Variants in EFCAB5 observed in about 807,000 individuals in gnomAD.
The protein encoded by EFCAB5 is EF-hand calcium binding domain 5, also known as EF-hand calcium-binding domain-containing protein 5.
Under a neutral mutation model 167.9 loss-of-function variants are expected in EFCAB5, and 131 were observed. That is an observed-to-expected ratio of 0.78 (90% CI 0.68 to 0.90). The LOEUF is 0.90. EFCAB5 is among the 40% of genes least tolerant of loss of function. The probability of loss-of-function intolerance (pLI) is 0.00; values close to 1 mark genes in which losing one functional copy is unlikely to be tolerated. For synonymous variants in EFCAB5, 574 were observed against 602.8 expected (o/e 0.95, Z 0.70); for missense variants, 1,663 against 1,745.2 (o/e 0.95, Z 0.84).
At chr17:29,948,383 A>C (rs2067446044) in intron 3 of EFCAB5, among the ~76,000 whole-genome samples, 2 of 152,156 alleles carry the variant, frequency 1.3e-5, no homozygotes, top group African/African-American at 4.8e-5. Flanking sequence ...TGTTTTGTTT[A>C]AATCGATTTA....
chr17:30,058,272 T>C (rs1392097930), intron 13 of EFCAB5, among the ~76,000 whole-genome samples: 2 of 152,350 alleles, frequency 1.3e-5, no homozygotes, highest in East Asian at 3.9e-4. Context: ...TATATATTTT[T>C]ACTCATGAGC....
intron 3 of EFCAB5, among the ~76,000 whole-genome samples, chr17:29,960,444 T>G (rs1419237380): frequency 1.3e-5 from 2 of 152,184 alleles, no homozygotes; most frequent in Non-Finnish European, 2.9e-5. Flanking sequence ...TTGAAATATT[T>G]TATTTTAAGT....
At chr17:30,069,114 T>C (rs1181543034) in intron 14 of EFCAB5, 6 of 1,503,984 alleles carry the variant, frequency 4.0e-6, no homozygotes, top group Non-Finnish European at 5.6e-6. Flanking sequence ...GAGTGGTGGA[T>C]AAGAAAAGAA....
At chr17:29,952,153 A>G (rs1297550004) in intron 3 of EFCAB5, among the ~76,000 whole-genome samples, 6 of 152,162 alleles carry the variant, frequency 3.9e-5, no homozygotes, top group Non-Finnish European at 4.4e-5. Context: ...AGAGGAGATG[A>G]ACACTGTCCT....
At chr17:30,103,100 G>C (rs927406391) in intron 22 of EFCAB5, among the ~76,000 whole-genome samples, 1 of 151,802 alleles carries the variant, frequency 6.6e-6, no homozygotes, top group African/African-American at 2.4e-5. Context: ...CCCAAGTGTT[G>C]AGATTACATG....
At chr17:29,987,758 T>A (rs2068319706) in intron 4 of EFCAB5, among the ~76,000 whole-genome samples, 1 of 152,182 alleles carries the variant, frequency 6.6e-6, no homozygotes. Flanking sequence ...AACTAGAGCT[T>A]GTCTAGTATA....
chr17:29,970,637 GAC>G (rs34545008), intron 4 of EFCAB5, among the ~76,000 whole-genome samples: 227 of 138,740 alleles, frequency 1.6e-3, no homozygotes, highest in Middle Eastern at 3.7e-3. Flanking sequence ...CTCAAAAACA[GAC>G]ACACACACAC....
intron 4 of EFCAB5, among the ~76,000 whole-genome samples, chr17:29,989,520 T>C (rs1332859344): frequency 3.9e-5 from 6 of 152,172 alleles, no homozygotes; most frequent in Non-Finnish European, 8.8e-5. Flanking sequence ...GCTAAGGGAA[T>C]AGTAAAGACA....
rs1194378678 is a variant in EFCAB5, at chr17:30,057,831, T to G, written c.2521T>G (p.Ser841Ala). 1 of 1,613,716 alleles carries G rather than the reference T, an allele frequency of 6.2e-7. No homozygotes were observed. Among genetic ancestry groups the G allele is most frequent in the African/African-American group, 1.3e-5 (1 of 74,906 alleles). The change falls in exon 13 of 23, where the codon TCC (serine) becomes GCC (alanine). Residue 841 changes from serine to alanine, a missense_variant. Ser to Ala is a moderately conservative substitution (Grantham distance 99, BLOSUM62 1). Transcript: ENST00000394835. ...CTTGAGTGTCAGCGAGACTCTCACC[T>G]CCTTTTTTAAGGAGGGCTATGTTGA... ...APLSVSETLT[S>A]FFKEGYVETE...
At chr17:30,094,143 C>T (rs1421415576) in intron 22 of EFCAB5, among the ~76,000 whole-genome samples, 2 of 152,084 alleles carry the variant, frequency 1.3e-5, no homozygotes, top group Non-Finnish European at 2.9e-5. Context: ...ATTATTTTAC[C>T]AAAAGGGCAG....
chr17:29,953,163 T>G (rs1183979294), intron 3 of EFCAB5, among the ~76,000 whole-genome samples: 1 of 152,130 alleles, frequency 6.6e-6, no homozygotes, highest in Non-Finnish European at 1.5e-5. Context: ...AAAAGCTCCT[T>G]AAGGTGATAA....
At chr17:29,977,038 C>T (rs141966597) in intron 4 of EFCAB5, among the ~76,000 whole-genome samples, 1 of 152,060 alleles carries the variant, frequency 6.6e-6, no homozygotes, top group South Asian at 2.1e-4. Context: ...TTCTTACGTG[C>T]AATTTTGGAC....
At chr17:29,932,003 C>T (rs184230231) in intron 1 of EFCAB5, among the ~76,000 whole-genome samples, 1 of 152,286 alleles carries the variant, frequency 6.6e-6, no homozygotes, top group Admixed American at 6.5e-5. Context: ...AGTTCCAGCT[C>T]TAAAACCTTA....
intron 8 of EFCAB5, among the ~76,000 whole-genome samples, chr17:30,043,121 G>GA (rs1204246970): frequency 2.0e-5 from 3 of 151,786 alleles, no homozygotes; most frequent in Non-Finnish European, 4.4e-5. Context: ...CCATCTCTTA[G>GA]AAAAAAAGCT....
At chr17:30,050,140 CTTTTTTTTT>C (rs1014362189) in intron 8 of EFCAB5, among the ~76,000 whole-genome samples, 1 of 141,482 alleles carries the variant, frequency 7.1e-6, no homozygotes. Context: ...ACTTTTTTTT[CTTTTTTTTT>C]TTTAGATGGA....
intron 3 of EFCAB5, among the ~76,000 whole-genome samples, chr17:29,960,779 A>G (rs144804913): frequency 5.3e-4 from 80 of 152,288 alleles, no homozygotes; most frequent in African/African-American, 1.9e-3. Context: ...TTTTTTGGAT[A>G]TATACATAGA....
At chr17:30,089,426 A>G (rs143094038) in intron 19 of EFCAB5, among the ~76,000 whole-genome samples, 2 of 152,294 alleles carry the variant, frequency 1.3e-5, no homozygotes, top group Non-Finnish European at 2.9e-5. Flanking sequence ...CTTTTCGAGG[A>G]TGCAAAGTAC....
chr17:30,108,003 G>C lies in EFCAB5; in HGVS notation c.4491G>C (p.Gly1497=). The part of the protein sequence containing the change: ...TDNYMYAKMP[G]EGLQEK The stretch of plus-strand genomic sequence containing the variant: ...ATTATATGTATGCAAAAATGCCAGG[G>C]GAAGGTTTGCAAGAGAAGTGATAAT... The change falls in exon 23 of 23, where the codon GGG becomes GGC. Residue 1497 remains glycine (G), a synonymous_variant. Coordinates refer to ENST00000394835, the MANE Select transcript of EFCAB5 (RefSeq NM_198529.4). 1 of 1,606,596 alleles carries C rather than the reference G, an allele frequency of 6.2e-7. No homozygotes were observed. The highest frequency in any genetic ancestry group is 1.7e-4 in the Middle Eastern group (1 of 6,046).
In EFCAB5 at chr17:30,107,579, T is replaced by C. The variant is rs182386347; in HGVS notation, c.4322-255T>C. Among the ~76,000 whole-genome samples, 292 of 152,356 alleles carry C rather than the reference T, an allele frequency of 1.9e-3. 2 individuals are homozygous for C. The highest frequency in any genetic ancestry group is 2.2e-3 in the Non-Finnish European group (151 of 68,028). On this transcript the variant is annotated intron_variant, in intron 22 of 22. Transcript: ENST00000394835. ...GTACACATTATTCTATAACTTACTT[T>C]TTGTATTGAATATTTTGAGATTTAT... is the stretch of plus-strand genomic sequence containing the variant.
Sources: gnomAD v4.1 joint callset for allele counts (sites outside exome capture counted in the v4.1 genomes callset) on GRCh38, gnomAD v4.1.1 for gene constraint, MANE v1.5 for transcripts, NCBI Gene and HGNC (gene_info 2026-07-23, HGNC 2026-07-21) for gene names.